RORA: variants seen among roughly 807,000 people sequenced by gnomAD.
RORA encodes nuclear receptor ROR-alpha.
In RORA, 7 loss-of-function variants were observed where a neutral mutation model predicts 69.5. That is an observed-to-expected ratio of 0.10 (90% CI 0.06 to 0.19). The LOEUF is 0.19. RORA is among the 10% of genes least tolerant of loss of function. The pLI, the probability that RORA is intolerant of heterozygous loss-of-function variation, is 1.00. For missense variants in RORA, 457 were observed against 663.0 expected (o/e 0.69, Z 3.41); for synonymous variants, 261 against 240.8 (o/e 1.08, Z -0.78).
At chr15:60,837,846 T>A (rs341399) in intron 1 of RORA, among the ~76,000 whole-genome samples, 2 of 152,106 alleles carry the variant, frequency 1.3e-5, no homozygotes, top group Admixed American at 6.5e-5. Flanking sequence ...CTGGGAGCAA[T>A]TGAGTTGTCC....
intron 1 of RORA, among the ~76,000 whole-genome samples, chr15:61,010,408 C>T (rs1407607023): frequency 1.3e-5 from 2 of 152,134 alleles, no homozygotes; most frequent in Non-Finnish European, 2.9e-5. Context: ...AGACCCTATT[C>T]TTGGCTTATA....
At chr15:60,700,614 A>G (rs1011601554) in intron 1 of RORA, among the ~76,000 whole-genome samples, 7 of 150,380 alleles carry the variant, frequency 4.7e-5, no homozygotes, top group African/African-American at 1.5e-4. Flanking sequence ...TTCATCAGCA[A>G]TAAACGTTTC....
rs978392765 is a variant in RORA, at chr15:60,780,686, A to C, written c.167-102000T>G. On this transcript the variant is annotated intron_variant, in intron 1 of 10. Transcript: ENST00000335670. ...AAAATGAAAAATGATTAAAACAACA[A>C]AACAAAAACCACACTTCTCCATCTG... Among the ~76,000 whole-genome samples the C allele has an allele frequency of 3.3e-5, 5 of 152,372 alleles. No individual in the cohort carries two copies. The East Asian group carries it at 9.6e-4, about 29-fold the overall frequency.
chr15:60,569,153 A>T (rs1377066860), intron 2 of RORA, among the ~76,000 whole-genome samples: 1 of 151,288 alleles, frequency 6.6e-6, no homozygotes, highest in East Asian at 1.9e-4. Flanking sequence ...TGCCTTGTTC[A>T]TTTTGCACTC....
intron 1 of RORA, among the ~76,000 whole-genome samples, chr15:61,099,723 C>T (rs888577834): frequency 1.3e-5 from 2 of 152,198 alleles, no homozygotes; most frequent in Non-Finnish European, 2.9e-5. Context: ...TTTTTAATGG[C>T]AACTCCTTGA....
At chr15:61,207,296 G>T (rs55971370) in intron 1 of RORA, among the ~76,000 whole-genome samples, 3 of 152,284 alleles carry the variant, frequency 2.0e-5, no homozygotes, top group Non-Finnish European at 4.4e-5. Context: ...TACAGGACGT[G>T]CTAGCCAAGG....
intron 1 of RORA, among the ~76,000 whole-genome samples, chr15:60,882,558 C>G (rs1393805532): frequency 1.3e-5 from 2 of 152,008 alleles, no homozygotes; most frequent in Non-Finnish European, 2.9e-5. Flanking sequence ...ACATGCGGCA[C>G]TCAGGTTAGG....
intron 1 of RORA, among the ~76,000 whole-genome samples, chr15:60,904,130 T>C (rs1339978929): frequency 2.6e-5 from 4 of 152,222 alleles, no homozygotes; most frequent in Non-Finnish European, 5.9e-5. Flanking sequence ...ACTATCGTAA[T>C]ATATTTGAAA....
At chr15:60,637,414 T>C (rs1237561584) in intron 2 of RORA, among the ~76,000 whole-genome samples, 1 of 152,182 alleles carries the variant, frequency 6.6e-6, no homozygotes, top group African/African-American at 2.4e-5. Context: ...ATGATCTTTT[T>C]TGACATACAA....
chr15:61,089,079 C>T (rs1410128997), intron 1 of RORA, among the ~76,000 whole-genome samples: 1 of 152,190 alleles, frequency 6.6e-6, no homozygotes, highest in African/African-American at 2.4e-5. Context: ...TGAAGTAACA[C>T]AAAACCCACT....
At chr15:60,946,847 C>T (rs1266198518) in intron 1 of RORA, among the ~76,000 whole-genome samples, 4 of 151,826 alleles carry the variant, frequency 2.6e-5, no homozygotes, top group East Asian at 1.9e-4. Flanking sequence ...GGCCGCCCAT[C>T]GTCTGAGATG....
chr15:61,207,479 G>A (rs141102231), intron 1 of RORA, among the ~76,000 whole-genome samples: 4 of 152,300 alleles, frequency 2.6e-5, no homozygotes, highest in African/African-American at 4.8e-5. Context: ...AGTGCACATC[G>A]TGGTTTCACT....
chr15:60,779,412 T>C (rs1342152737), intron 1 of RORA, among the ~76,000 whole-genome samples: 2 of 152,148 alleles, frequency 1.3e-5, no homozygotes, highest in African/African-American at 4.8e-5. Flanking sequence ...CTAATGCATC[T>C]CTCCATAAGA....
intron 1 of RORA, among the ~76,000 whole-genome samples, chr15:60,745,717 C>T (rs944657198): frequency 1.3e-5 from 2 of 152,166 alleles, no homozygotes; most frequent in Admixed American, 1.3e-4. Context: ...GTAGACATGG[C>T]GACATTTGGT....
At chr15:60,898,191 A>G (rs1595801224) in intron 1 of RORA, among the ~76,000 whole-genome samples, 2 of 152,214 alleles carry the variant, frequency 1.3e-5, no homozygotes, top group African/African-American at 2.4e-5. Flanking sequence ...GCTCAACTGC[A>G]TATCAGTAAA....
At chr15:60,501,497 A>G (rs2065330571) in intron 8 of RORA, among the ~76,000 whole-genome samples, 2 of 152,200 alleles carry the variant, frequency 1.3e-5, no homozygotes, top group African/African-American at 2.4e-5. Flanking sequence ...TGGAGAGGAA[A>G]GTAATGCACC....
intron 2 of RORA, chr15:60,627,574 C>T: frequency 1.6e-6 from 2 of 1,280,012 alleles, no homozygotes; most frequent in African/African-American, 1.5e-5. Context: ...GAATGAGGTA[C>T]TTACAATTCT....
chr15:61,189,849 T>C (rs1318417483), intron 1 of RORA, among the ~76,000 whole-genome samples: 2 of 89,058 alleles, frequency 2.2e-5, no homozygotes, highest in Non-Finnish European at 4.2e-5. Flanking sequence ...AGAGCGAGAC[T>C]CTGTCTCAAA....
At chr15:61,045,687 G>A (rs746448778) in intron 1 of RORA, among the ~76,000 whole-genome samples, 18 of 151,898 alleles carry the variant, frequency 1.2e-4, no homozygotes, top group Non-Finnish European at 1.9e-4. Context: ...CCCTGGCCAG[G>A]AGTCAGGGAG....
Sources: gnomAD v4.1 joint callset for allele counts (sites outside exome capture counted in the v4.1 genomes callset) on GRCh38, gnomAD v4.1.1 for gene constraint, MANE v1.5 for transcripts, NCBI Gene and HGNC (gene_info 2026-07-23, HGNC 2026-07-21) for gene names.